The following MARCHF3 variants were observed in gnomAD, a reference collection of about 807,000 sequenced individuals.
The protein encoded by MARCHF3 is E3 ubiquitin-protein ligase MARCHF3.
A neutral mutation model predicts 24.2 loss-of-function variants in MARCHF3; 13 were observed. The ratio of observed to expected loss-of-function variants is 0.54; its 90% CI spans 0.35 to 0.85. The LOEUF (loss-of-function observed/expected upper bound fraction) is 0.85. Ranked by LOEUF, MARCHF3 falls within the 40% of genes least tolerant of loss-of-function variation. The pLI is 0.01. For missense variants in MARCHF3, 276 were observed against 325.0 expected (o/e 0.85, Z 1.16); for synonymous variants, 144 against 137.3 (o/e 1.05, Z -0.34).
intron 1 of MARCHF3, among the ~76,000 whole-genome samples, chr5:127,019,728 A>T (rs1241709475): frequency 2.0e-5 from 3 of 152,172 alleles, no homozygotes; most frequent in South Asian, 4.1e-4. Flanking sequence ...TGAATCAACC[A>T]ATCCTGCCAC....
chr5:126,947,722 T>A (rs1228744427), intron 1 of MARCHF3, among the ~76,000 whole-genome samples: 1 of 152,128 alleles, frequency 6.6e-6, no homozygotes, highest in Non-Finnish European at 1.5e-5. Context: ...TTTAAAAAAA[T>A]GAACTCAAAC....
At chr5:127,010,395 C>T (rs1257946890) in intron 1 of MARCHF3, among the ~76,000 whole-genome samples, 1 of 152,196 alleles carries the variant, frequency 6.6e-6, no homozygotes, top group Non-Finnish European at 1.5e-5. Flanking sequence ...CCTCTGTCAA[C>T]TCACATTCCC....
At chr5:126,947,239 T>A (rs930991928) in intron 1 of MARCHF3, among the ~76,000 whole-genome samples, 7 of 152,218 alleles carry the variant, frequency 4.6e-5, no homozygotes, top group African/African-American at 1.7e-4. Flanking sequence ...AAGGAATTAA[T>A]CTTCACCAAT....
At chr5:127,013,310 CAAG>C (rs1490940839) in intron 1 of MARCHF3, among the ~76,000 whole-genome samples, 1 of 152,002 alleles carries the variant, frequency 6.6e-6, no homozygotes, top group East Asian at 1.9e-4. Flanking sequence ...AAAGCAACAA[CAAG>C]AACAACAATA....
At chr5:126,934,799 A>G (rs1749590065) in intron 1 of MARCHF3, among the ~76,000 whole-genome samples, 1 of 152,150 alleles carries the variant, frequency 6.6e-6, no homozygotes, top group Non-Finnish European at 1.5e-5. Flanking sequence ...TCAATTCAGG[A>G]CATGTTGAAA....
intron 1 of MARCHF3, among the ~76,000 whole-genome samples, chr5:126,942,177 A>G (rs973436241): frequency 6.6e-6 from 1 of 152,214 alleles, no homozygotes. Context: ...CACTATGGCC[A>G]TCATAGCATT....
chr5:126,893,287 C>A (rs1753760979), intron 3 of MARCHF3, among the ~76,000 whole-genome samples: 1 of 151,506 alleles, frequency 6.6e-6, no homozygotes, highest in South Asian at 2.1e-4. Flanking sequence ...GTCTCTATTT[C>A]CTTCAGTTCT....
At chr5:127,018,978 T>C in intron 1 of MARCHF3, among the ~76,000 whole-genome samples, 1 of 152,160 alleles carries the variant, frequency 6.6e-6, no homozygotes, top group South Asian at 2.1e-4. Flanking sequence ...ATAAAGTTAA[T>C]AAAAAATTTT....
chr5:126,884,579 G>T (rs113551891), intron 3 of MARCHF3, among the ~76,000 whole-genome samples: 5 of 152,298 alleles, frequency 3.3e-5, no homozygotes, highest in African/African-American at 1.2e-4. Context: ...CCTTTCCGCT[G>T]AGTGTCCTCC....
At chr5:126,929,697 T>C (rs1580654119) in intron 1 of MARCHF3, among the ~76,000 whole-genome samples, 1 of 152,224 alleles carries the variant, frequency 6.6e-6, no homozygotes, top group East Asian at 1.9e-4. Flanking sequence ...TTATACTATT[T>C]GATATGGTTT....
chr5:126,895,829 G>A (rs928665337), intron 3 of MARCHF3, among the ~76,000 whole-genome samples: 3 of 152,286 alleles, frequency 2.0e-5, no homozygotes, highest in Admixed American at 6.5e-5. Context: ...CTGAGCTGTG[G>A]TGGGCTCCAC....
chr5:126,941,217 T>C (rs1749815870), intron 1 of MARCHF3, among the ~76,000 whole-genome samples: 1 of 152,212 alleles, frequency 6.6e-6, no homozygotes, highest in Non-Finnish European at 1.5e-5. Context: ...TGTTTAGAAT[T>C]TGGTAGAAGA....
rs1458346126 is a variant in MARCHF3 at position 126,868,622 on chromosome 5, C to T, written c.*2011G>A. On this transcript the variant is annotated 3_prime_UTR_variant, in exon 5 of 5. Coordinates refer to ENST00000308660, the MANE Select transcript of MARCHF3 (RefSeq NM_178450.5). The stretch of plus-strand genomic sequence containing the variant: ...TTGACAGGAAATCATCCTGGAAATC[C>T]GCTGCTTCCTTAATTCATGCAAGAA... 2 of 152,178 alleles carry T rather than the reference C, an allele frequency of 1.3e-5. No homozygotes were observed. The highest frequency in any genetic ancestry group is 1.9e-4 in the East Asian group (1 of 5,190). The allele number at this position is 152,178 out of a possible 1,614,324, so 9.4% of individuals were successfully genotyped here.
intron 1 of MARCHF3, among the ~76,000 whole-genome samples, chr5:126,940,406 C>T (rs983336228): frequency 5.3e-5 from 8 of 152,106 alleles, no homozygotes; most frequent in Non-Finnish European, 7.4e-5. Context: ...TGCTAGATGG[C>T]CATTACAGTT....
chr5:127,006,693 TTAAG>T (rs1436858995), intron 1 of MARCHF3, among the ~76,000 whole-genome samples: 1 of 152,216 alleles, frequency 6.6e-6, no homozygotes, highest in Non-Finnish European at 1.5e-5. Context: ...CAGTTCTTCA[TTAAG>T]TATTTTTCAA....
At chr5:126,955,841 T>C (rs899533490) in intron 1 of MARCHF3, among the ~76,000 whole-genome samples, 12 of 152,208 alleles carry the variant, frequency 7.9e-5, no homozygotes, top group Admixed American at 3.9e-4. Flanking sequence ...GAATTGTCCT[T>C]TTTTGTGTAC....
chr5:126,988,634 T>G (rs925560373), intron 1 of MARCHF3, among the ~76,000 whole-genome samples: 2 of 152,224 alleles, frequency 1.3e-5, no homozygotes, highest in African/African-American at 2.4e-5. Flanking sequence ...ACTATTATTT[T>G]AAGGTACAAA....
intron 3 of MARCHF3, among the ~76,000 whole-genome samples, chr5:126,896,699 G>T (rs1052368906): frequency 4.6e-5 from 7 of 152,094 alleles, no homozygotes; most frequent in Admixed American, 2.6e-4. Flanking sequence ...ATGGAAGAGG[G>T]AATATGCAGT....
intron 3 of MARCHF3, among the ~76,000 whole-genome samples, chr5:126,892,750 C>CT (rs1001157829): frequency 6.7e-6 from 1 of 149,426 alleles, no homozygotes; most frequent in Non-Finnish European, 1.5e-5. Flanking sequence ...CTAAAATTCT[C>CT]TTTTTTTGTT....
Sources: allele counts gnomAD v4.1 joint callset (sites outside exome capture counted in the v4.1 genomes callset), GRCh38; gene constraint gnomAD v4.1.1; transcripts MANE v1.5; gene names NCBI Gene and HGNC (gene_info 2026-07-23, HGNC 2026-07-21).